The following KCNH8 variants were observed in gnomAD, a reference collection of about 807,000 sequenced individuals.
KCNH8 encodes voltage-gated delayed rectifier potassium channel KCNH8.
KCNH8 carries 70 observed loss-of-function variants against 103.6 expected under a neutral mutation model. That is an observed-to-expected ratio of 0.68 (90% CI 0.56 to 0.82). The LOEUF (loss-of-function observed/expected upper bound fraction) is 0.82, where lower values mean the gene tolerates loss of function less well. KCNH8 is among the 40% of genes least tolerant of loss of function. The pLI is 0.00. For synonymous variants in KCNH8, 498 were observed against 489.4 expected (o/e 1.02, Z -0.23); for missense variants, 1,217 against 1,329.9 (o/e 0.92, Z 1.32).
At chr3:19,383,202 C>T (rs768134021) in intron 5 of KCNH8, among the ~76,000 whole-genome samples, 5 of 151,940 alleles carry the variant, frequency 3.3e-5, no homozygotes, top group Admixed American at 1.3e-4. Context: ...TTATTTTCCT[C>T]AAATGTGAAA....
At chr3:19,450,672 A>G in intron 9 of KCNH8, 1 of 300,924 alleles carries the variant, frequency 3.3e-6, no homozygotes, top group South Asian at 3.3e-5. Flanking sequence ...AAAAAATTCC[A>G]TCAAAGGGGT....
In KCNH8 at chr3:19,148,607, C is replaced by G; in HGVS notation, c.-113C>G. On this transcript the variant is annotated 5_prime_UTR_variant, in exon 1 of 16. Transcript: ENST00000328405. ...CCCCTGCTCGGCCCCGCCGTCAGGCCGGGTCCCCCTTCCCTGCCGTCATCA... is the reference window on the plus strand; with the variant it reads ...CCCCTGCTCGGCCCCGCCGTCAGGCGGGGTCCCCCTTCCCTGCCGTCATCA... The G allele has an allele frequency of 9.9e-7, 1 of 1,007,094 alleles. No homozygotes were observed. The highest frequency in any genetic ancestry group is 2.4e-5 in the East Asian group (1 of 42,052). 62.4% of individuals were successfully genotyped at this position (1,007,094 alleles called of 1,614,324 possible). A position where few individuals can be genotyped will look rare whatever the true frequency, so the allele number is the denominator to read the frequency against.
intron 2 of KCNH8, among the ~76,000 whole-genome samples, chr3:19,255,124 C>T (rs577880798): frequency 6.6e-6 from 1 of 152,164 alleles, no homozygotes; most frequent in East Asian, 1.9e-4. Flanking sequence ...AGGGTGTGCA[C>T]ACACAAAAGA....
chr3:19,282,106 A>G (rs764049877), intron 3 of KCNH8, among the ~76,000 whole-genome samples: 7 of 152,114 alleles, frequency 4.6e-5, no homozygotes, highest in African/African-American at 1.2e-4. Flanking sequence ...TTCAACAGCT[A>G]TGTCTTTTTA....
At chr3:19,152,941 G>GA (rs1057492800) in intron 1 of KCNH8, among the ~76,000 whole-genome samples, 10 of 138,942 alleles carry the variant, frequency 7.2e-5, no homozygotes, top group South Asian at 6.9e-4. Context: ...GTCTTAAAAA[G>GA]AAAAAAAAAA....
intron 2 of KCNH8, among the ~76,000 whole-genome samples, chr3:19,257,735 A>G (rs186650948): frequency 2.0e-5 from 3 of 152,214 alleles, no homozygotes; most frequent in African/African-American, 4.8e-5. Context: ...TGCAAAAAAT[A>G]TTATTGTGAT....
At chr3:19,482,992 T>C (rs1002917178) in intron 11 of KCNH8, among the ~76,000 whole-genome samples, 4 of 152,206 alleles carry the variant, frequency 2.6e-5, no homozygotes, top group African/African-American at 9.6e-5. Context: ...GTCTTGTGTC[T>C]AAGTAGCAGG....
At chr3:19,351,016 T>A (rs2065794011) in intron 5 of KCNH8, among the ~76,000 whole-genome samples, 2 of 151,944 alleles carry the variant, frequency 1.3e-5, no homozygotes, top group Admixed American at 1.3e-4. Context: ...CTAACTAGAA[T>A]AAACAGCATA....
intron 1 of KCNH8, among the ~76,000 whole-genome samples, chr3:19,213,657 T>C (rs753448786): frequency 2.0e-5 from 3 of 152,240 alleles, no homozygotes; most frequent in Non-Finnish European, 2.9e-5. Flanking sequence ...AGTCATCTGT[T>C]TATTGCATCT....
In KCNH8 at chr3:19,229,995, C is replaced by G. The variant is rs549817381; in HGVS notation, c.77-23659C>G. 5.9e-5 allele frequency among the ~76,000 whole-genome samples: 9 copies of G among 151,406 alleles called. No homozygotes were observed. The East Asian group carries it at 1.7e-3, about 29-fold the overall frequency. The stretch of plus-strand genomic sequence containing the variant: ...GGTTTAATTGGACTTAACAGTTCCA[C>G]GTAGCTGGGGAGGCCTCAGAATCAT... On this transcript the variant is annotated intron_variant, in intron 1 of 15. Coordinates refer to ENST00000328405, the MANE Select transcript of KCNH8 (RefSeq NM_144633.3).
chr3:19,513,023 A>G lies in KCNH8; in HGVS notation c.2133A>G (p.Glu711=). The change falls in exon 13 of 16, where the codon GAA becomes GAG. Residue 711 remains glutamate (E), a synonymous_variant. Coordinates refer to ENST00000328405, the MANE Select transcript of KCNH8 (RefSeq NM_144633.3). The part of the protein sequence containing the change: ...NINKRLPSIV[E]DEEEEEEGEE... Reference sequence around the variant, plus strand: ...ACAAGCGACTCCCATCCATTGTGGAAGATGAGGAAGAGGAGGAGGAGGGGG... The same window carrying G: ...ACAAGCGACTCCCATCCATTGTGGAGGATGAGGAAGAGGAGGAGGAGGGGG... 6.2e-7 allele frequency: 1 copy of G among 1,613,666 alleles called. No homozygotes were observed. The highest frequency in any genetic ancestry group is 8.5e-7 in the Non-Finnish European group (1 of 1,179,808).
intron 2 of KCNH8, among the ~76,000 whole-genome samples, chr3:19,266,371 T>C (rs2064510806): frequency 6.6e-6 from 1 of 152,110 alleles, no homozygotes; most frequent in African/African-American, 2.4e-5. Context: ...TTGTACTCGG[T>C]GTTCCCCCTG....
chr3:19,259,923 T>A (rs965818322), intron 2 of KCNH8, among the ~76,000 whole-genome samples: 1 of 151,734 alleles, frequency 6.6e-6, no homozygotes, highest in Non-Finnish European at 1.5e-5. Context: ...AATCTCAAAC[T>A]GACCTAAGCT....
chr3:19,301,541 G>C (rs2065064504), intron 3 of KCNH8, among the ~76,000 whole-genome samples: 1 of 152,000 alleles, frequency 6.6e-6, no homozygotes, highest in Non-Finnish European at 1.5e-5. Context: ...AAAATATTGT[G>C]TCTCTACTCA....
intron 11 of KCNH8, among the ~76,000 whole-genome samples, chr3:19,502,901 G>C (rs1202610383): frequency 6.6e-6 from 1 of 151,788 alleles, no homozygotes; most frequent in African/African-American, 2.4e-5. Flanking sequence ...CAAAAGCAAT[G>C]GCAACAAAAG....
At chr3:19,206,247 A>ATATATATATAAATCACAGTTT (rs2063715704) in intron 1 of KCNH8, among the ~76,000 whole-genome samples, 1 of 146,928 alleles carries the variant, frequency 6.8e-6, no homozygotes, top group African/African-American at 2.6e-5. Context: ...ACTGATTGAT[A>ATATATATATAAATCACAGTTT]TATATAGATA....
chr3:19,236,866 A>T (rs1042179727), intron 1 of KCNH8, among the ~76,000 whole-genome samples: 2 of 152,360 alleles, frequency 1.3e-5, no homozygotes, highest in Non-Finnish European at 2.9e-5. Flanking sequence ...ATATTATGCT[A>T]AAATATTTTA....
intron 2 of KCNH8, among the ~76,000 whole-genome samples, chr3:19,266,614 A>T (rs1208737064): frequency 1.3e-5 from 2 of 152,072 alleles, no homozygotes; most frequent in Admixed American, 6.6e-5. Flanking sequence ...TAATCTTGTT[A>T]TCTACAGTGC....
chr3:19,503,915 A>G (rs931306266), intron 11 of KCNH8, among the ~76,000 whole-genome samples: 25 of 151,996 alleles, frequency 1.6e-4, no homozygotes, highest in African/African-American at 6.0e-4. Flanking sequence ...GTACCCTAAA[A>G]CTTAAAGTAT....
Sources: gnomAD v4.1 joint callset for allele counts (sites outside exome capture counted in the v4.1 genomes callset) on GRCh38, gnomAD v4.1.1 for gene constraint, MANE v1.5 for transcripts, NCBI Gene and HGNC (gene_info 2026-07-23, HGNC 2026-07-21) for gene names.